The following DPYD variants were observed in gnomAD, a reference collection of about 807,000 sequenced individuals.
DPYD encodes the protein dihydropyrimidine dehydrogenase [NADP(+)].
In DPYD, 109 loss-of-function variants were observed where a neutral mutation model predicts 116.2. The observed-to-expected ratio is 0.94, with a 90% confidence interval of 0.80 to 1.10. DPYD has a LOEUF of 1.10. DPYD is among the 50% of genes least tolerant of loss of function. The probability of loss-of-function intolerance (pLI) is 0.00; values close to 1 mark genes in which losing one functional copy is unlikely to be tolerated. For synonymous variants in DPYD, 440 were observed against 432.0 expected, an observed-to-expected ratio of 1.02 and a Z score of -0.23; for missense variants, 1,302 against 1,254.5, an observed-to-expected ratio of 1.04 and a Z score of -0.57.
chr1:97,708,101 G>T (rs1557898023), intron 5 of DPYD, among the ~76,000 whole-genome samples: 1 of 151,914 alleles, frequency 6.6e-6, no homozygotes, highest in Non-Finnish European at 1.5e-5. Context: ...CTTCTGAGTA[G>T]CCAGGACTAC....
chr1:97,729,549 A>G (rs1183425413), intron 4 of DPYD, among the ~76,000 whole-genome samples: 1 of 152,140 alleles, frequency 6.6e-6, no homozygotes, highest in Non-Finnish European at 1.5e-5. Flanking sequence ...TAAATATTAA[A>G]TAAATATTCC....
chr1:97,547,658 CTCTT>C (rs956648673), intron 12 of DPYD, among the ~76,000 whole-genome samples: 5 of 151,320 alleles, frequency 3.3e-5, no homozygotes, highest in African/African-American at 9.7e-5. Context: ...TCCTTTCTCT[CTCTT>C]TCTCTCTCGT....
intron 3 of DPYD, among the ~76,000 whole-genome samples, chr1:97,759,612 T>C (rs916565266): frequency 6.6e-6 from 1 of 152,202 alleles, no homozygotes; most frequent in Non-Finnish European, 1.5e-5. Flanking sequence ...CTGGTATTTT[T>C]TCAGCTGTGC....
At chr1:97,148,742 C>A (rs1033223498) in intron 20 of DPYD, among the ~76,000 whole-genome samples, 1 of 152,262 alleles carries the variant, frequency 6.6e-6, no homozygotes, top group Non-Finnish European at 1.5e-5. Flanking sequence ...CGACAAACAT[C>A]TTTGAACTCC....
At chr1:97,203,497 C>A (rs372233929) in intron 19 of DPYD, among the ~76,000 whole-genome samples, 2 of 5,790 alleles carry the variant, frequency 3.5e-4, no homozygotes, top group Non-Finnish European at 7.7e-4. Context: ...GGGAGGTGGG[C>A]GGGATAGCAT....
chr1:97,553,688 G>A (rs930998107), intron 11 of DPYD, among the ~76,000 whole-genome samples: 5 of 151,862 alleles, frequency 3.3e-5, no homozygotes, highest in African/African-American at 1.2e-4. Flanking sequence ...AAAACGGGGG[G>A]GATTTTCTGT....
At chr1:97,822,499 T>C (rs1358947933) in intron 3 of DPYD, among the ~76,000 whole-genome samples, 1 of 151,200 alleles carries the variant, frequency 6.6e-6, no homozygotes, top group Non-Finnish European at 1.5e-5. Context: ...CCTGTAAAAT[T>C]TGTTCAGGGT....
chr1:97,150,864 T>C (rs1023048119), intron 20 of DPYD, among the ~76,000 whole-genome samples: 1 of 152,220 alleles, frequency 6.6e-6, no homozygotes, highest in Non-Finnish European at 1.5e-5. Context: ...ATATATTGCA[T>C]CTTCCTGGAA....
intron 5 of DPYD, among the ~76,000 whole-genome samples, chr1:97,719,410 A>T (rs1662797661): frequency 6.6e-6 from 1 of 151,874 alleles, no homozygotes; most frequent in African/African-American, 2.4e-5. Context: ...TGCTTTCCTA[A>T]CCTTTGCTTA....
intron 3 of DPYD, among the ~76,000 whole-genome samples, chr1:97,753,163 A>G (rs905098069): frequency 2.0e-5 from 3 of 152,168 alleles, no homozygotes; most frequent in African/African-American, 7.2e-5. Context: ...GTAGATATAA[A>G]TATTAACTCC....
intron 18 of DPYD, among the ~76,000 whole-genome samples, chr1:97,281,348 A>T (rs1244863278): frequency 6.6e-6 from 1 of 151,900 alleles, no homozygotes; most frequent in Admixed American, 6.6e-5. Flanking sequence ...AAACCAGATC[A>T]CAAGAGATAA....
chr1:97,442,578 T>A (rs940071755), intron 14 of DPYD, among the ~76,000 whole-genome samples: 5 of 152,026 alleles, frequency 3.3e-5, no homozygotes, highest in African/African-American at 1.2e-4. Context: ...TTAAGTGTTT[T>A]AATGAGAAGC....
chr1:97,384,576 C>T (rs6670376), intron 14 of DPYD, among the ~76,000 whole-genome samples: 2,051 of 151,860 alleles, frequency 0.014, 48 homozygotes, highest in African/African-American at 0.048. Context: ...GAAATGGATA[C>T]CATAAGTTAG....
At chr1:97,348,888 T>C (rs1161188175) in intron 16 of DPYD, among the ~76,000 whole-genome samples, 5 of 152,094 alleles carry the variant, frequency 3.3e-5, no homozygotes, top group Non-Finnish European at 7.4e-5. Flanking sequence ...CCTCCCCCAA[T>C]ATGGACACTA....
At chr1:97,603,117 C>T (rs1173800889) in intron 8 of DPYD, among the ~76,000 whole-genome samples, 4 of 151,812 alleles carry the variant, frequency 2.6e-5, no homozygotes, top group East Asian at 1.9e-4. Context: ...TTTTAATCCC[C>T]GCATTGTGAA....
At chr1:97,204,685 C>T (rs1355526219) in intron 19 of DPYD, among the ~76,000 whole-genome samples, 1 of 152,152 alleles carries the variant, frequency 6.6e-6, no homozygotes, top group East Asian at 1.9e-4. Context: ...GATTCCCTTA[C>T]TCAGAGGGTT....
chr1:97,897,060 T>G (rs892825478), intron 1 of DPYD, among the ~76,000 whole-genome samples: 39 of 152,016 alleles, frequency 2.6e-4, no homozygotes, highest in Admixed American at 2.1e-3. Flanking sequence ...CTGAAGGATG[T>G]GATTTCCTTT....
At chr1:97,171,667 G>T (rs1656731719) in intron 20 of DPYD, among the ~76,000 whole-genome samples, 1 of 152,118 alleles carries the variant, frequency 6.6e-6, no homozygotes, top group Admixed American at 6.6e-5. Context: ...TAAGATTAAA[G>T]TAGATAACAC....
intron 3 of DPYD, among the ~76,000 whole-genome samples, chr1:97,750,587 G>A (rs193006758): frequency 6.6e-6 from 1 of 152,152 alleles, no homozygotes; most frequent in Non-Finnish European, 1.5e-5. Flanking sequence ...TTTTTGCACT[G>A]GTCATATGAA....
Sources: gnomAD v4.1 joint callset for allele counts (sites outside exome capture counted in the v4.1 genomes callset) on GRCh38, gnomAD v4.1.1 for gene constraint, MANE v1.5 for transcripts, NCBI Gene and HGNC (gene_info 2026-07-23, HGNC 2026-07-21) for gene names.